Variants in TRPM3 observed in about 807,000 individuals in gnomAD.
The protein encoded by TRPM3 is long transient receptor potential channel 3.
In TRPM3, 77 loss-of-function variants were observed where a neutral mutation model predicts 181.2. The observed-to-expected ratio is 0.42, with a 90% CI of 0.35 to 0.51. TRPM3 has a LOEUF of 0.51. Ranked by LOEUF, TRPM3 falls within the 20% of genes least tolerant of loss-of-function variation. TRPM3 has a pLI of 0.01. For synonymous variants in TRPM3, 745 were observed against 796.4 expected, an observed-to-expected ratio of 0.94 and a Z score of 1.09; for missense variants, 1,759 against 2,196.7, an observed-to-expected ratio of 0.80 and a Z score of 3.98.
At chr9:70,793,575 T>G (rs1436062765) in intron 6 of TRPM3, 1 of 469,916 alleles carries the variant, frequency 2.1e-6, no homozygotes, top group Non-Finnish European at 4.4e-6. Flanking sequence ...CTTTATGTAC[T>G]TTGCATGAGA....
chr9:71,098,597 C>T (rs757376528), intron 1 of TRPM3, among the ~76,000 whole-genome samples: 2 of 152,082 alleles, frequency 1.3e-5, no homozygotes, highest in African/African-American at 2.4e-5. Flanking sequence ...CACTTAGCCT[C>T]GCTAGACCTA....
Position 70,828,030 on chromosome 9 carries a change from C to G in TRPM3, c.802-12G>C. ...TATGGCCGGACAACCTGCAGGGTATCAAATGGAAGAGGCAGAAGTCAGAAA... is the reference window on the plus strand; with the variant it reads ...TATGGCCGGACAACCTGCAGGGTATGAAATGGAAGAGGCAGAAGTCAGAAA... On this transcript the variant is annotated splice_polypyrimidine_tract_variant and intron_variant, in intron 5 of 25. Coordinates refer to ENST00000677713, the MANE Select transcript of TRPM3 (RefSeq NM_001366145.2). 3 of 1,600,902 alleles carry G rather than the reference C, an allele frequency of 1.9e-6. No homozygotes were observed. The highest frequency in any genetic ancestry group is 2.6e-6 in the Non-Finnish European group (3 of 1,171,574).
At chr9:70,667,401 G>A (rs2061996145) in intron 9 of TRPM3, among the ~76,000 whole-genome samples, 1 of 152,114 alleles carries the variant, frequency 6.6e-6, no homozygotes, top group Non-Finnish European at 1.5e-5. Context: ...AGCACACTGG[G>A]AACCAAGTTG....
Position 71,052,580 on chromosome 9 carries a change from C to G in TRPM3, c.177+68598G>C, listed in dbSNP as rs190933247. On this transcript the variant is annotated intron_variant, in intron 1 of 25. Transcript: ENST00000677713. ...TCTACTGAAATCAGAAAATCACTTA[C>G]GCTTCTTGCAAACACCTTATAATCA... is the stretch of plus-strand genomic sequence containing the variant. Among the ~76,000 whole-genome samples the G allele has an allele frequency of 7.9e-5, 12 of 152,266 alleles. No homozygotes were observed. In the South Asian group the frequency reaches 2.5e-3, roughly 32 times the overall value.
chr9:71,110,608 T>C (rs558428171), intron 1 of TRPM3, among the ~76,000 whole-genome samples: 10 of 152,296 alleles, frequency 6.6e-5, no homozygotes, highest in Admixed American at 4.6e-4. Context: ...TTCTGGCCTT[T>C]TATACAAACC....
intron 1 of TRPM3, among the ~76,000 whole-genome samples, chr9:71,375,819 T>C (rs746040743): frequency 1.3e-5 from 2 of 152,158 alleles, no homozygotes; most frequent in African/African-American, 4.8e-5. Flanking sequence ...ATGGCTCAGA[T>C]TGTTAGCATT....
At chr9:71,422,835 C>T (rs1158449491) in intron 1 of TRPM3, among the ~76,000 whole-genome samples, 1 of 151,978 alleles carries the variant, frequency 6.6e-6, no homozygotes, top group East Asian at 1.9e-4. Flanking sequence ...ATTATAGCAA[C>T]TTAGATACCT....
In TRPM3 at chr9:70,853,399, T is replaced by A. The variant is rs545726147; in HGVS notation, c.463-6808A>T. ...ACATCTGGGGTAGGGCTTGGGCCTC[T>A]GCATTTCTAACCAGCTCCTCAGGTA... On this transcript the variant is annotated intron_variant, in intron 3 of 25. Coordinates refer to ENST00000677713, the MANE Select transcript of TRPM3 (RefSeq NM_001366145.2). Among the ~76,000 whole-genome samples, 31 of 152,350 alleles carry A rather than the reference T, an allele frequency of 2.0e-4. 1 individual carries two copies. Among genetic ancestry groups the A allele is most frequent in the Non-Finnish European group, 4.3e-4 (29 of 68,034 alleles).
At chr9:71,070,906 C>A (rs1038800793) in intron 1 of TRPM3, among the ~76,000 whole-genome samples, 1 of 152,176 alleles carries the variant, frequency 6.6e-6, no homozygotes, top group Non-Finnish European at 1.5e-5. Flanking sequence ...AAAACCATAA[C>A]TGCTGCTTTA....
At chr9:70,786,311 C>CAAAAAAAAAAAAAAAAAAAA (rs71367227) in intron 6 of TRPM3, among the ~76,000 whole-genome samples, 21 of 54,452 alleles carry the variant, frequency 3.9e-4, no homozygotes, top group African/African-American at 9.8e-4. Flanking sequence ...CTAAAAATAC[C>CAAAAAAAAAAAAAAAAAAAA]AAAAAAAAAA....
intron 22 of TRPM3, among the ~76,000 whole-genome samples, chr9:70,583,081 G>T (rs1289030462): frequency 2.0e-5 from 3 of 152,146 alleles, no homozygotes; most frequent in Non-Finnish European, 4.4e-5. Flanking sequence ...GGAACGGAAG[G>T]TTGCAGCACA....
intron 9 of TRPM3, among the ~76,000 whole-genome samples, chr9:70,660,508 G>A (rs1301379963): frequency 6.6e-6 from 1 of 152,002 alleles, no homozygotes; most frequent in Non-Finnish European, 1.5e-5. Flanking sequence ...TCCCTAAAAT[G>A]TATAAAACCA....
At chr9:71,081,086 C>T (rs962316847) in intron 1 of TRPM3, among the ~76,000 whole-genome samples, 8 of 152,080 alleles carry the variant, frequency 5.3e-5, no homozygotes, top group Non-Finnish European at 1.0e-4. Context: ...AAGTCCAAGA[C>T]CCCCCTCTCC....
intron 1 of TRPM3, among the ~76,000 whole-genome samples, chr9:71,215,121 CAT>C (rs1446616809): frequency 6.8e-6 from 1 of 146,840 alleles, no homozygotes; most frequent in Non-Finnish European, 1.5e-5. Flanking sequence ...TAGTGTTTAA[CAT>C]AAACACTGAC....
chr9:70,598,483 C>T lies in TRPM3; in HGVS notation c.2984G>A (p.Arg995His), dbSNP rs1432206553. 9 of 1,614,036 alleles carry T rather than the reference C, an allele frequency of 5.6e-6. No homozygotes were observed. The highest frequency in any genetic ancestry group is 6.8e-6 in the Non-Finnish European group (8 of 1,180,038). Reference protein sequence around the residue: ...YCVNIIYWYIRLLDIFGVNKY... With the variant: ...YCVNIIYWYIHLLDIFGVNKY... ...GTTCACGCCGAAGATGTCTAGGAGA[C>T]GGATATACCAGTAAATGATGTTCAC... The change falls in exon 21 of 26, where the codon CGT (arginine) becomes CAT (histidine). Residue 995 changes from arginine (R) to histidine (H), a missense_variant. By Grantham distance (29) the Arg-to-His change is conservative. This residue lies in a region of TRPM3 where 94 missense variants were observed against 221.3 expected (regional missense o/e 0.42). Coordinates refer to ENST00000677713, the MANE Select transcript of TRPM3 (RefSeq NM_001366145.2).
intron 1 of TRPM3, among the ~76,000 whole-genome samples, chr9:71,399,531 T>C (rs1209982692): frequency 7.9e-6 from 1 of 126,610 alleles, no homozygotes; most frequent in Non-Finnish European, 1.6e-5. Flanking sequence ...CTTTTGTTTT[T>C]TTTTTTTTTT....
upstream of TRPM3, among the ~76,000 whole-genome samples, chr9:71,123,692 G>C (rs2073865229): frequency 1.3e-5 from 2 of 152,186 alleles, no homozygotes; most frequent in Non-Finnish European, 1.5e-5. Flanking sequence ...AGAGGAAGGT[G>C]GGAGACTGCA....
At chr9:71,315,069 T>C (rs1347867588) in intron 1 of TRPM3, among the ~76,000 whole-genome samples, 1 of 152,102 alleles carries the variant, frequency 6.6e-6, no homozygotes, top group African/African-American at 2.4e-5. Context: ...TGGCAATGTG[T>C]AGAAAGTATG....
At chr9:71,106,369 C>T (rs1020202563) in intron 1 of TRPM3, among the ~76,000 whole-genome samples, 3 of 152,046 alleles carry the variant, frequency 2.0e-5, no homozygotes, top group African/African-American at 4.8e-5. Context: ...TGGCTTGGTG[C>T]CCTCCCCATG....
Sources: allele counts gnomAD v4.1 joint callset (sites outside exome capture counted in the v4.1 genomes callset), GRCh38; gene constraint gnomAD v4.1.1; regional missense constraint gnomAD v4.1.1; transcripts MANE v1.5; gene names NCBI Gene and HGNC (gene_info 2026-07-23, HGNC 2026-07-21).